The following CLIP4 variants were observed in gnomAD, a reference collection of about 807,000 sequenced individuals.
CLIP4 encodes the protein CAP-Gly domain-containing linker protein 4.
CLIP4 carries 47 observed loss-of-function variants against 73.1 expected under a neutral mutation model. The ratio of observed to expected loss-of-function variants is 0.64; its 90% CI spans 0.51 to 0.82. The LOEUF is 0.82. Ranked by LOEUF, CLIP4 falls within the 40% of genes least tolerant of loss-of-function variation. The probability of loss-of-function intolerance (pLI) is 0.00; values close to 1 mark genes in which losing one functional copy is unlikely to be tolerated. For synonymous variants in CLIP4, 306 were observed against 295.4 expected, an observed-to-expected ratio of 1.04 and a Z score of -0.37; for missense variants, 874 against 852.9, an observed-to-expected ratio of 1.02 and a Z score of -0.31.
intron 1 of CLIP4, among the ~76,000 whole-genome samples, chr2:29,116,751 G>A (rs1013968492): frequency 6.6e-6 from 1 of 152,340 alleles, no homozygotes; most frequent in East Asian, 1.9e-4. Flanking sequence ...TATCTGGACT[G>A]TAAGATTGAG....
chr2:29,138,549 G>A (rs941486450), intron 6 of CLIP4, among the ~76,000 whole-genome samples: 1 of 151,346 alleles, frequency 6.6e-6, no homozygotes, highest in Non-Finnish European at 1.5e-5. Context: ...TGTGAAAAAC[G>A]ATGTTGGAAA....
intron 2 of CLIP4, chr2:29,130,856 C>T (rs1367103864): frequency 1.4e-5 from 18 of 1,289,780 alleles, no homozygotes; most frequent in Admixed American, 2.3e-5. Context: ...AGTCCCACTA[C>T]TTATGCATGC....
intron 11 of CLIP4, among the ~76,000 whole-genome samples, chr2:29,159,084 G>A (rs1011532146): frequency 1.3e-5 from 2 of 152,172 alleles, no homozygotes; most frequent in African/African-American, 2.4e-5. Flanking sequence ...TAATTCCTGA[G>A]TTTGTATCTT....
intron 6 of CLIP4, among the ~76,000 whole-genome samples, chr2:29,138,369 T>G (rs1171721979): frequency 6.6e-6 from 1 of 152,184 alleles, no homozygotes; most frequent in Non-Finnish European, 1.5e-5. Context: ...TATGTCTATT[T>G]TTTTTAGCAA....
intron 5 of CLIP4, among the ~76,000 whole-genome samples, chr2:29,135,269 G>T (rs897186633): frequency 3.9e-5 from 6 of 152,116 alleles, no homozygotes; most frequent in African/African-American, 1.4e-4. Context: ...TTACAGATAT[G>T]AATTTTTGCC....
chr2:29,172,444 A>G (rs2148097735), intron 14 of CLIP4, among the ~76,000 whole-genome samples: 1 of 152,270 alleles, frequency 6.6e-6, no homozygotes, highest in East Asian at 1.9e-4. Flanking sequence ...GCATATTGAC[A>G]GTATCGTTGT....
intron 14 of CLIP4, among the ~76,000 whole-genome samples, chr2:29,173,411 C>G (rs1240591769): frequency 2.6e-5 from 4 of 152,168 alleles, no homozygotes; most frequent in African/African-American, 9.7e-5. Context: ...CTCGCTTTAA[C>G]CAAGAATCTT....
intron 2 of CLIP4, among the ~76,000 whole-genome samples, chr2:29,130,361 T>TA (rs753566208): frequency 6.6e-6 from 1 of 152,232 alleles, no homozygotes; most frequent in Non-Finnish European, 1.5e-5. Flanking sequence ...CTCACGAAGG[T>TA]TATAGTAAGG....
chr2:29,123,004 A>C (rs1664370641), intron 2 of CLIP4, among the ~76,000 whole-genome samples: 1 of 152,162 alleles, frequency 6.6e-6, no homozygotes, highest in South Asian at 2.1e-4. Context: ...AAAATAGTTA[A>C]TTTTATTGTT....
chr2:29,176,182 A>G (rs1390898758), intron 15 of CLIP4, among the ~76,000 whole-genome samples: 1 of 152,222 alleles, frequency 6.6e-6, no homozygotes, highest in East Asian at 1.9e-4. Context: ...GCACTAGGAC[A>G]TTTGTCCCTG....
At chr2:29,177,753 T>C (rs1668428821) in intron 15 of CLIP4, among the ~76,000 whole-genome samples, 1 of 152,214 alleles carries the variant, frequency 6.6e-6, no homozygotes, top group Non-Finnish European at 1.5e-5. Flanking sequence ...GTATACAGTC[T>C]TTATTGTAGT....
At chr2:29,172,022 T>C (rs1668041574) in intron 14 of CLIP4, among the ~76,000 whole-genome samples, 1 of 151,600 alleles carries the variant, frequency 6.6e-6, no homozygotes, top group Non-Finnish European at 1.5e-5. Flanking sequence ...TTTTTTTTTT[T>C]TTCATTCTGT....
At chr2:29,141,659 TGATA>T (rs960440405) in intron 6 of CLIP4, among the ~76,000 whole-genome samples, 7 of 152,238 alleles carry the variant, frequency 4.6e-5, no homozygotes, top group African/African-American at 1.7e-4. Context: ...TCCATTTGCA[TGATA>T]GATCTCTCTC....
chr2:29,143,412 T>TTTCC (rs58842734), intron 6 of CLIP4, among the ~76,000 whole-genome samples: 10 of 145,686 alleles, frequency 6.9e-5, no homozygotes, highest in South Asian at 2.2e-4. Context: ...TTTTTTTTTT[T>TTTCC]CCCTCCAGGC....
chr2:29,179,879 CTA>C (rs1472798247), intron 15 of CLIP4, among the ~76,000 whole-genome samples: 3 of 152,084 alleles, frequency 2.0e-5, no homozygotes, highest in Non-Finnish European at 4.4e-5. Context: ...TAATTTAAGA[CTA>C]TTTTCTAATT....
At chr2:29,140,510 T>C (rs1351120204) in intron 6 of CLIP4, among the ~76,000 whole-genome samples, 3 of 152,226 alleles carry the variant, frequency 2.0e-5, no homozygotes, top group African/African-American at 7.2e-5. Context: ...TCCAAGTCTT[T>C]GCTATTGTGA....
intron 9 of CLIP4, among the ~76,000 whole-genome samples, chr2:29,153,345 C>A (rs1019512865): frequency 1.3e-5 from 2 of 152,048 alleles, no homozygotes; most frequent in Non-Finnish European, 2.9e-5. Flanking sequence ...CGTACATTTT[C>A]TTACTCCTCC....
At chr2:29,135,476 C>G (rs989664120) in intron 5 of CLIP4, 72 bp from the exon 6 acceptor site, 6 of 1,107,342 alleles carry the variant, frequency 5.4e-6, no homozygotes, top group Non-Finnish European at 7.9e-6. Context: ...CCTCCCAAAG[C>G]CCTGTCTTCT....
chr2:29,150,643 CTTTTTTTTTTTT>C (rs34553625), intron 8 of CLIP4, among the ~76,000 whole-genome samples: 3 of 80,234 alleles, frequency 3.7e-5, no homozygotes, highest in African/African-American at 8.8e-5. Context: ...TTGATTTGCT[CTTTTTTTTTTTT>C]TTTTTTTTTT....
Sources: gnomAD v4.1 joint callset for allele counts (sites outside exome capture counted in the v4.1 genomes callset) on GRCh38, gnomAD v4.1.1 for gene constraint, MANE v1.5 for transcripts, NCBI Gene and HGNC (gene_info 2026-07-23, HGNC 2026-07-21) for gene names.